SEC11A: variants seen among roughly 807,000 people sequenced by gnomAD.
SEC11A encodes signal peptidase complex catalytic subunit SEC11A.
SEC11A carries 14 observed loss-of-function variants against 25.6 expected under a neutral mutation model. The observed-to-expected ratio is 0.55, with a 90% CI of 0.36 to 0.85. The LOEUF (loss-of-function observed/expected upper bound fraction) is 0.85, where lower values mean the gene tolerates loss of function less well. Ranked by LOEUF, SEC11A falls within the 40% of genes least tolerant of loss-of-function variation. The pLI, the probability that SEC11A is intolerant of heterozygous loss-of-function variation, is 0.01. For synonymous variants in SEC11A, 83 were observed against 76.4 expected (o/e 1.09, Z -0.45); for missense variants, 153 against 222.9 (o/e 0.69, Z 2.00).
At chr15:84,703,578 G>A (rs1043065943) in intron 1 of SEC11A, among the ~76,000 whole-genome samples, 45 of 152,154 alleles carry the variant, frequency 3.0e-4, no homozygotes, top group African/African-American at 1.0e-3. Flanking sequence ...TCTCATGCAG[G>A]GTTGATCATG....
chr15:84,697,019 A>C (rs1038276783), intron 1 of SEC11A, among the ~76,000 whole-genome samples: 12 of 135,994 alleles, frequency 8.8e-5, no homozygotes, highest in African/African-American at 3.3e-4. Context: ...CCCTATCTCT[A>C]AAAAAAAAAT....
In SEC11A at chr15:84,669,817, A is replaced by C; in HGVS notation, c.*202T>G. On this transcript the variant is annotated 3_prime_UTR_variant, in exon 6 of 6. Coordinates refer to ENST00000268220, the MANE Select transcript of SEC11A (RefSeq NM_014300.4). Reference sequence around the variant, plus strand: ...GACAATTATGAAATCCTGTGACTGAAAGTCCCCTCGAGTGCACTCTGTGGT... The same window carrying C: ...GACAATTATGAAATCCTGTGACTGACAGTCCCCTCGAGTGCACTCTGTGGT... The C allele has an allele frequency of 1.5e-6, 1 of 685,880 alleles. No homozygotes were observed. The highest frequency in any genetic ancestry group is 3.2e-5 in the East Asian group (1 of 31,290). 42.5% of individuals were successfully genotyped at this position (685,880 alleles called of 1,614,324 possible).
intron 1 of SEC11A, among the ~76,000 whole-genome samples, chr15:84,705,023 C>T (rs960833273): frequency 1.3e-5 from 2 of 151,734 alleles, no homozygotes; most frequent in Non-Finnish European, 2.9e-5. Flanking sequence ...CTTCTGGGCT[C>T]AAGTGATTCT....
chr15:84,677,438 TA>T (rs1169396807), intron 4 of SEC11A, among the ~76,000 whole-genome samples: 1 of 151,744 alleles, frequency 6.6e-6, no homozygotes, highest in African/African-American at 2.4e-5. Context: ...ATTTTAAAAA[TA>T]GCATTAAATA....
chr15:84,675,506 C>T (rs946860392), intron 4 of SEC11A, among the ~76,000 whole-genome samples: 5 of 152,216 alleles, frequency 3.3e-5, no homozygotes, highest in East Asian at 3.9e-4. Context: ...AGAGAATATG[C>T]GATGACCAGA....
chr15:84,710,480 T>C (rs1348808129), intron 1 of SEC11A, among the ~76,000 whole-genome samples: 2 of 151,396 alleles, frequency 1.3e-5, no homozygotes, highest in Admixed American at 1.3e-4. Context: ...CTAAAAAAAA[T>C]ACAAAAATTA....
intron 1 of SEC11A, 48 bp from the exon 2 acceptor site, chr15:84,691,692 C>A (rs549564622): frequency 9.4e-7 from 1 of 1,061,524 alleles, no homozygotes; most frequent in South Asian, 1.3e-5. Flanking sequence ...ATCCCCACTT[C>A]GGAAAGCAAC....
chr15:84,679,290 A>G, intron 4 of SEC11A: 1 of 1,244,896 alleles, frequency 8.0e-7, no homozygotes, highest in South Asian at 1.3e-5. Context: ...CTGATGACCT[A>G]ATTTGGATTA....
intron 1 of SEC11A, among the ~76,000 whole-genome samples, chr15:84,696,226 T>A (rs1297533802): frequency 6.6e-6 from 1 of 152,194 alleles, no homozygotes; most frequent in Non-Finnish European, 1.5e-5. Flanking sequence ...TGGCTGCTTG[T>A]CTACTGGCTG....
At chr15:84,689,029 C>CAAA (rs71453259) in intron 2 of SEC11A, among the ~76,000 whole-genome samples, 2 of 95,028 alleles carry the variant, frequency 2.1e-5, no homozygotes, top group Admixed American at 1.2e-4. Flanking sequence ...GACTCTGTCT[C>CAAA]AAAAAAAAAA....
chr15:84,702,386 G>A (rs1439040721), intron 1 of SEC11A, among the ~76,000 whole-genome samples: 2 of 151,252 alleles, frequency 1.3e-5, no homozygotes, highest in East Asian at 1.9e-4. Context: ...ACTTGAACCC[G>A]GGAGGCTCAC....
chr15:84,684,777 C>A (rs1215258082), intron 3 of SEC11A, among the ~76,000 whole-genome samples: 2 of 151,846 alleles, frequency 1.3e-5, no homozygotes, highest in Non-Finnish European at 2.9e-5. Context: ...ACTAAAAATA[C>A]AAAAATTAGC....
At position 84,691,553 on chromosome 15, in the gene SEC11A, G is replaced by A. The variant is rs772244658; in HGVS notation, c.143C>T (p.Pro48Leu). ...GLMVITGSES[P>L]IVVVLSGSME... is the part of the protein sequence containing the mutation. Reference sequence around the variant, plus strand: ...CTGTTACCTGAGCACCACTACAATCGGACTTTCACTTCCAGTTATTACCAT... The same window carrying A: ...CTGTTACCTGAGCACCACTACAATCAGACTTTCACTTCCAGTTATTACCAT... The change falls in exon 2 of 6, where the codon CCG becomes CTG. Residue 48 changes from proline to leucine, a missense_variant. Transcript: ENST00000268220. 2.5e-6 allele frequency: 4 copies of A among 1,605,010 alleles called. No homozygotes were observed. The highest frequency in any genetic ancestry group is 1.7e-5 in the Admixed American group (1 of 59,810).
In SEC11A at chr15:84,670,034, C is replaced by A. The variant is rs1896940886; in HGVS notation, c.525G>T (p.Leu175=). 1 of 1,613,616 alleles carries A rather than the reference C, an allele frequency of 6.2e-7. No homozygotes were observed. Among genetic ancestry groups the A allele is most frequent in the Non-Finnish European group, 8.5e-7 (1 of 1,179,744 alleles). ...GGCAGGCTTCTTACTCACGATGAAC[C>A]AGCACGAATAAACCCAGCAAAAAGA... ...AVLFLLGLFV[L]VHRE is the part of the protein sequence containing the mutation. Residue 175 remains leucine (L), a synonymous_variant, in exon 6 of 6, where the codon CTG becomes CTT. Transcript: ENST00000268220.
intron 3 of SEC11A, among the ~76,000 whole-genome samples, chr15:84,682,295 A>G (rs909381032): frequency 5.3e-5 from 8 of 151,076 alleles, no homozygotes; most frequent in Admixed American, 5.2e-4. Context: ...AACAGTGGCT[A>G]TCTATGGCTT....
intron 1 of SEC11A, among the ~76,000 whole-genome samples, chr15:84,714,505 C>T (rs1416114167): frequency 6.6e-6 from 1 of 152,134 alleles, no homozygotes. Flanking sequence ...CACGTAAAAA[C>T]GGTTGAAATG....
rs777587646 is a variant in SEC11A, at chr15:84,669,984, T to G, written c.*35A>C. Reference sequence around the variant, plus strand: ...ACTCCAAACATCCAGTAACGAAAACTATGGCATCTTCCCAGGAACAGCAAG... The same window carrying G: ...ACTCCAAACATCCAGTAACGAAAACGATGGCATCTTCCCAGGAACAGCAAG... On this transcript the variant is annotated 3_prime_UTR_variant, in exon 6 of 6. Coordinates refer to ENST00000268220, the MANE Select transcript of SEC11A (RefSeq NM_014300.4). 6.2e-7 allele frequency: 1 copy of G among 1,613,116 alleles called. No homozygotes were observed. The highest frequency in any genetic ancestry group is 2.2e-5 in the East Asian group (1 of 44,888).
At chr15:84,699,141 C>G (rs1478999868) in intron 1 of SEC11A, among the ~76,000 whole-genome samples, 1 of 151,870 alleles carries the variant, frequency 6.6e-6, no homozygotes, top group African/African-American at 2.4e-5. Context: ...ATGGCGAAAC[C>G]CCATCTCTAC....
intron 1 of SEC11A, among the ~76,000 whole-genome samples, chr15:84,697,552 C>T (rs944418616): frequency 6.6e-6 from 1 of 152,144 alleles, no homozygotes; most frequent in Non-Finnish European, 1.5e-5. Flanking sequence ...TAGACAGAAG[C>T]ACACTATTTG....
Sources: allele counts gnomAD v4.1 joint callset (sites outside exome capture counted in the v4.1 genomes callset), GRCh38; gene constraint gnomAD v4.1.1; transcripts MANE v1.5; gene names NCBI Gene and HGNC (gene_info 2026-07-23, HGNC 2026-07-21).